TBC1D4: variants seen among roughly 807,000 people sequenced by gnomAD.
TBC1D4 encodes TBC (Tre-2, BUB2, CDC16) domain-containing protein.
In TBC1D4, 121 loss-of-function variants were observed where a neutral mutation model predicts 142.5. The ratio of observed to expected loss-of-function variants is 0.85; its 90% CI spans 0.73 to 0.99. The LOEUF is 0.99. Among genes scored for constraint, TBC1D4 ranks in the 50% least tolerant of loss-of-function variants. The probability of loss-of-function intolerance (pLI) is 0.00; values close to 1 mark genes in which losing one functional copy is unlikely to be tolerated. For synonymous variants in TBC1D4, 630 were observed against 628.2 expected, an observed-to-expected ratio of 1.00 and a Z score of -0.04; for missense variants, 1,475 against 1,606.6, an observed-to-expected ratio of 0.92 and a Z score of 1.40.
chr13:75,478,705 T>C (rs1408831871), intron 1 of TBC1D4, among the ~76,000 whole-genome samples: 1 of 152,218 alleles, frequency 6.6e-6, no homozygotes, highest in Non-Finnish European at 1.5e-5. Context: ...CATGTCTAGC[T>C]GCAGAATCAA....
At position 75,294,936 on chromosome 13, in the gene TBC1D4, G is replaced by A. The variant is rs1032450894; in HGVS notation, c.3234C>T (p.Ile1078=). The change falls in exon 18 of 21, where the codon ATC becomes ATT. Residue 1078 remains isoleucine (I), a synonymous_variant. Transcript: ENST00000377636. ...AGGGGGCAGCATAAAGACTGGGGCTGATTTCATTTTCTTCAAGGTGATTGT... is the reference window on the plus strand; with the variant it reads ...AGGGGGCAGCATAAAGACTGGGGCTAATTTCATTTTCTTCAAGGTGATTGT... ...DLYNHLEENE[I]SPSLYAAPWF... is the part of the protein sequence containing the mutation. 1 of 1,613,908 alleles carries A rather than the reference G, an allele frequency of 6.2e-7. No homozygotes were observed. Among genetic ancestry groups the A allele is most frequent in the Non-Finnish European group, 8.5e-7 (1 of 1,179,868 alleles).
Position 75,362,492 on chromosome 13 carries a change from A to C in TBC1D4, c.614T>G (p.Leu205Arg). ...GGTCACGGTCACCTTTCCACAGTACAGGACTTCGAACTTCTGAGAGTTGTA... is the reference window on the plus strand; with the variant it reads ...GGTCACGGTCACCTTTCCACAGTACCGGACTTCGAACTTCTGAGAGTTGTA... ...AFYNSQKFEV[L>R]YCGKVTVTHK... is the part of the protein sequence containing the mutation. The change falls in exon 2 of 21, where the codon CTG becomes CGG. Residue 205 changes from leucine (L) to arginine (R), a missense_variant. Physicochemically the swap from Leu to Arg is moderately radical, Grantham distance 102 (BLOSUM62 -2). This residue lies in a region of TBC1D4 where 1,227 missense variants were observed against 1,267.7 expected (regional missense o/e 0.97). Coordinates refer to ENST00000377636, the MANE Select transcript of TBC1D4 (RefSeq NM_014832.5). This position sits in a 1 kb window ranked among gnomAD's most constrained non-coding sequence, Gnocchi z 4.2. 1 of 1,614,240 alleles carries C rather than the reference A, an allele frequency of 6.2e-7. No homozygotes were observed.
At chr13:75,466,865 G>GT in intron 1 of TBC1D4, among the ~76,000 whole-genome samples, 1 of 150,298 alleles carries the variant, frequency 6.7e-6, no homozygotes, top group African/African-American at 2.5e-5. Context: ...GTGAGACTCT[G>GT]TCTCAAAAAA....
At chr13:75,422,545 G>T (rs2025620) in intron 1 of TBC1D4, among the ~76,000 whole-genome samples, 23,935 of 152,072 alleles carry the variant, frequency 0.16, 2,696 homozygotes, top group African/African-American at 0.31. Flanking sequence ...GAAATCTTTT[G>T]TTATCAAAGA....
At chr13:75,368,280 C>CAAATAAT (rs907038501) in intron 1 of TBC1D4, among the ~76,000 whole-genome samples, 12 of 152,226 alleles carry the variant, frequency 7.9e-5, no homozygotes, top group Admixed American at 3.9e-4. Context: ...CTGTTAACAT[C>CAAATAAT]AAAAGTCAAA....
intron 5 of TBC1D4, among the ~76,000 whole-genome samples, chr13:75,344,025 G>C (rs1032029106): frequency 1.6e-4 from 24 of 151,398 alleles, no homozygotes; most frequent in Admixed American, 1.5e-3. Context: ...ATTTTTAGTA[G>C]AGACGGAGTT....
chr13:75,345,298 G>A (rs73220099), intron 5 of TBC1D4, among the ~76,000 whole-genome samples: 5,688 of 152,238 alleles, frequency 0.037, 148 homozygotes, highest in Middle Eastern at 0.065. Flanking sequence ...GGCCTACAGA[G>A]GATCTGCCTT....
At chr13:75,395,784 C>T (rs991722518) in intron 1 of TBC1D4, among the ~76,000 whole-genome samples, 121 of 151,900 alleles carry the variant, frequency 8.0e-4, no homozygotes, top group African/African-American at 2.8e-3. Flanking sequence ...GAGCCGAGAT[C>T]GTACCACTGC....
At chr13:75,464,280 C>G (rs1002239858) in intron 1 of TBC1D4, among the ~76,000 whole-genome samples, 13 of 152,186 alleles carry the variant, frequency 8.5e-5, no homozygotes, top group African/African-American at 2.9e-4. Flanking sequence ...GCCATGACGC[C>G]CACGCTGAAG....
At chr13:75,302,134 T>C (rs1470840429) in intron 16 of TBC1D4, 109 bp downstream of exon 16, 6 of 1,379,302 alleles carry the variant, frequency 4.4e-6, no homozygotes, top group South Asian at 1.2e-5. Context: ...GCTCTGCATA[T>C]GCCAACAGGT....
intron 1 of TBC1D4, among the ~76,000 whole-genome samples, chr13:75,455,304 A>T (rs1462545412): frequency 6.6e-6 from 1 of 152,016 alleles, no homozygotes; most frequent in Non-Finnish European, 1.5e-5. Flanking sequence ...CCTGAATTGA[A>T]CCCTATGGTT....
intron 12 of TBC1D4, among the ~76,000 whole-genome samples, chr13:75,319,688 T>C (rs1566374342): frequency 1.3e-5 from 2 of 152,246 alleles, no homozygotes; most frequent in Non-Finnish European, 2.9e-5. Context: ...TAGGCACATA[T>C]GTACCCCCTA....
chr13:75,457,210 A>G (rs963171657), intron 1 of TBC1D4, among the ~76,000 whole-genome samples: 1 of 152,144 alleles, frequency 6.6e-6, no homozygotes, highest in African/African-American at 2.4e-5. Context: ...GTGACATGGG[A>G]TATATATTAT....
Position 75,314,512 on chromosome 13 carries a change from TA to T in TBC1D4, c.2223-1615del, listed in dbSNP as rs769555968. On this transcript the variant is annotated intron_variant, in intron 12 of 20. Coordinates refer to ENST00000377636, the MANE Select transcript of TBC1D4 (RefSeq NM_014832.5). ...ACTTCTGGATTGGCTAAATTAAAGT[TA>T]AAAAAAAGACTTCTGAGCTGCTATG... Among the ~76,000 whole-genome samples the T allele has an allele frequency of 1.6e-4, 25 of 151,962 alleles. No homozygotes were observed. In the East Asian group the frequency reaches 1.9e-3, roughly 12 times the overall value.
chr13:75,341,297 C>A, intron 6 of TBC1D4, 62 bp from the exon 7 acceptor site: 1 of 1,496,854 alleles, frequency 6.7e-7, no homozygotes, highest in South Asian at 1.1e-5. Context: ...TTTATTCTGT[C>A]GGGCAGACAA....
chr13:75,351,977 A>G (rs1881641838), intron 4 of TBC1D4, among the ~76,000 whole-genome samples: 2 of 152,340 alleles, frequency 1.3e-5, no homozygotes, highest in South Asian at 2.1e-4. Flanking sequence ...CGCATTTTAT[A>G]CTACGTGTAA....
chr13:75,297,910 A>G (rs374986099), intron 17 of TBC1D4, among the ~76,000 whole-genome samples: 62 of 152,266 alleles, frequency 4.1e-4, no homozygotes, highest in African/African-American at 1.4e-3. Context: ...CAGAAAACCT[A>G]ATGTTGATAG....
rs60172018 is a variant in TBC1D4 at position 75,410,935 on chromosome 13, C to CAAAAAAA, written c.499-48335_499-48329dup. 5.5e-4 allele frequency among the ~76,000 whole-genome samples: 35 copies of CAAAAAAA among 63,236 alleles called. 1 individual carries two copies. The highest frequency in any genetic ancestry group is 1.2e-3 in the African/African-American group (19 of 15,208). 41.5% of individuals were successfully genotyped at this position (63,236 alleles called of 152,430 possible). On this transcript the variant is annotated intron_variant, in intron 1 of 20. Transcript: ENST00000377636. ...TGGGCGACAGAGCGAGACTCCGTCT[C>CAAAAAAA]AAAAAAAAAAAAAAAAAAAAAAAAA...
At chr13:75,434,574 T>C (rs1302459494) in intron 1 of TBC1D4, among the ~76,000 whole-genome samples, 4 of 152,012 alleles carry the variant, frequency 2.6e-5, no homozygotes, top group Non-Finnish European at 5.9e-5. Flanking sequence ...TGAAATAATA[T>C]GTACAACAAA....
Sources: gnomAD v4.1 joint callset for allele counts (sites outside exome capture counted in the v4.1 genomes callset) on GRCh38, gnomAD v4.1.1 for gene constraint, gnomAD v4.1.1 regional missense constraint, Gnocchi (gnomAD v3.1) non-coding constraint, MANE v1.5 for transcripts, NCBI Gene and HGNC (gene_info 2026-07-23, HGNC 2026-07-21) for gene names.